PUS10: variants seen among roughly 807,000 people sequenced by gnomAD.
The protein encoded by PUS10 is pseudouridine synthase 10, also known as tRNA pseudouridine synthase Pus10.
In PUS10, 59 loss-of-function variants were observed where a neutral mutation model predicts 75.0. The ratio of observed to expected loss-of-function variants is 0.79; its 90% CI spans 0.64 to 0.98. The LOEUF is 0.98. PUS10 is among the 50% of genes least tolerant of loss of function. PUS10 has a pLI of 0.00. For synonymous variants in PUS10, 219 were observed against 211.6 expected (o/e 1.03, Z -0.30); for missense variants, 650 against 614.4 (o/e 1.06, Z -0.61).
At chr2:60,999,998 G>A (rs926918739) in intron 4 of PUS10, among the ~76,000 whole-genome samples, 4 of 152,062 alleles carry the variant, frequency 2.6e-5, no homozygotes, top group Non-Finnish European at 4.4e-5. Flanking sequence ...CATTTTATAT[G>A]AGAAACTTAA....
At chr2:60,943,778 G>GTGTGTGTGTGTA (rs1558851515) in intron 17 of PUS10, among the ~76,000 whole-genome samples, 1 of 151,492 alleles carries the variant, frequency 6.6e-6, no homozygotes, top group Non-Finnish European at 1.5e-5. Context: ...GTGTGTGTGT[G>GTGTGTGTGTGTA]TGTGTGTGTG....
chr2:61,003,938 C>A (rs1304741546), intron 4 of PUS10, among the ~76,000 whole-genome samples: 2 of 152,086 alleles, frequency 1.3e-5, no homozygotes, highest in Non-Finnish European at 2.9e-5. Flanking sequence ...GTGTTGTTTG[C>A]TTTAAATAGA....
chr2:60,985,377 C>T (rs1328570463), intron 4 of PUS10, among the ~76,000 whole-genome samples: 1 of 152,102 alleles, frequency 6.6e-6, no homozygotes, highest in Non-Finnish European at 1.5e-5. Flanking sequence ...CAATGAAAAA[C>T]AGAGGAACAG....
At chr2:60,953,638 TA>T (rs1675474954) in intron 14 of PUS10, among the ~76,000 whole-genome samples, 1 of 152,260 alleles carries the variant, frequency 6.6e-6, no homozygotes, top group African/African-American at 2.4e-5. Flanking sequence ...CTATTATAAA[TA>T]TTCATGTACA....
In PUS10 at chr2:61,011,875, C is replaced by G. The variant is rs781152292; in HGVS notation, c.16G>C (p.Glu6Gln). Residue 6 changes from glutamate (E) to glutamine (Q), a missense_variant, in exon 2 of 18, where the codon GAG becomes CAG. Physicochemically the swap from Glu to Gln is conservative, Grantham distance 29. Coordinates refer to ENST00000316752, the MANE Select transcript of PUS10 (RefSeq NM_144709.4). ...AACTGGGCCACATGCTTGTTTTCCT[C>G]AGTCAGTGGGAACATATTGAATAAT... MFPLTEENKHVAQLLL... is the reference protein window; with the variant it reads MFPLTQENKHVAQLLL... 2.5e-6 allele frequency: 4 copies of G among 1,604,576 alleles called. No individual in the cohort carries two copies.
rs1247242045 is a variant in PUS10 at position 60,965,247 on chromosome 2, T to A, written c.678-144A>T. 5 of 997,932 alleles carry A rather than the reference T, an allele frequency of 5.0e-6. No homozygotes were observed. In the African/African-American group the frequency reaches 8.1e-5, roughly 16 times the overall value. 61.8% of individuals were successfully genotyped at this position (997,932 alleles called of 1,614,324 possible). On this transcript the variant is annotated intron_variant, in intron 7 of 17. Transcript: ENST00000316752. ...GAGTCCCTGTATGAGCTATATCGGT[T>A]TGCCCAGGAACTATGTTCAAGGACA...
chr2:60,965,144 T>C, intron 7 of PUS10, 41 bp from the exon 8 acceptor site: 1 of 1,550,358 alleles, frequency 6.5e-7, no homozygotes, highest in Non-Finnish European at 8.9e-7. Flanking sequence ...TTAATGAGTT[T>C]ATTTTGGGGT....
intron 3 of PUS10, among the ~76,000 whole-genome samples, chr2:61,007,010 C>T (rs1679255547): frequency 6.6e-6 from 1 of 152,162 alleles, no homozygotes; most frequent in African/African-American, 2.4e-5. Context: ...TTCTACAAGG[C>T]TGTACCACTA....
intron 2 of PUS10, among the ~76,000 whole-genome samples, chr2:61,009,366 T>C (rs1386773559): frequency 6.6e-6 from 1 of 152,216 alleles, no homozygotes; most frequent in African/African-American, 2.4e-5. Context: ...CAAACTTTAG[T>C]TCTAATGATT....
intron 11 of PUS10, 48 bp from the exon 12 acceptor site, chr2:60,955,122 AAGAT>A: frequency 8.2e-7 from 1 of 1,216,442 alleles, no homozygotes; most frequent in Non-Finnish European, 1.2e-6. Context: ...TCATAGCTCT[AAGAT>A]ATTCATTCCC....
intron 4 of PUS10, among the ~76,000 whole-genome samples, chr2:60,981,562 G>A (rs149837588): frequency 0.011 from 1,750 of 152,318 alleles, 35 homozygotes; most frequent in African/African-American, 0.039. Flanking sequence ...GATTATTGGC[G>A]TGAGCCACCG....
chr2:60,981,292 A>G (rs1462289414), intron 4 of PUS10, among the ~76,000 whole-genome samples: 1 of 150,348 alleles, frequency 6.7e-6, no homozygotes, highest in African/African-American at 2.4e-5. Flanking sequence ...AAATTAAATT[A>G]TTTTTTTTGA....
intron 4 of PUS10, among the ~76,000 whole-genome samples, chr2:60,987,295 A>G (rs1343786642): frequency 1.3e-5 from 2 of 152,330 alleles, no homozygotes; most frequent in African/African-American, 4.8e-5. Context: ...GGGAAAGGAG[A>G]AAGGCAGGGG....
chr2:61,017,866 C>A, intron 1 of PUS10, 142 bp downstream of exon 1: 1 of 1,549,592 alleles, frequency 6.5e-7, no homozygotes, highest in South Asian at 1.2e-5. Flanking sequence ...GTGTGGGATT[C>A]TTCAGGCTGT....
rs1674654571 is a variant in PUS10 at position 60,942,108 on chromosome 2, T to C, written c.*287A>G. 3.0e-6 allele frequency: 1 copy of C among 329,708 alleles called. No individual in the cohort carries two copies. Among genetic ancestry groups the C allele is most frequent in the African/African-American group, 2.1e-5 (1 of 46,956 alleles). The allele number at this position is 329,708 out of a possible 1,614,324, so 20.4% of individuals were successfully genotyped here. ...AATGTGTCCTGTTTGTGCACCTCTC[T>C]AAATGAAAGAATTAAGGAGAATTAT... On this transcript the variant is annotated 3_prime_UTR_variant, in exon 18 of 18. Coordinates refer to ENST00000316752, the MANE Select transcript of PUS10 (RefSeq NM_144709.4).
chr2:60,965,021 A>T, intron 8 of PUS10, 37 bp downstream of exon 8: 2 of 1,598,118 alleles, frequency 1.3e-6, no homozygotes, highest in Non-Finnish European at 1.7e-6. Context: ...CTCAGACAAA[A>T]CTCACTCAAG....
In PUS10 at chr2:60,955,013, C is replaced by G. The variant is rs1273341931; in HGVS notation, c.1057+5G>C. Reference sequence around the variant, plus strand: ...TCTAATCAGGTGATGCTGTTGCAGTCTTACCATTTCCTAATGTTCTCACAT... The same window carrying G: ...TCTAATCAGGTGATGCTGTTGCAGTGTTACCATTTCCTAATGTTCTCACAT... On this transcript the variant is annotated splice_donor_5th_base_variant and intron_variant, in intron 12 of 17. Coordinates refer to ENST00000316752, the MANE Select transcript of PUS10 (RefSeq NM_144709.4). The G allele has an allele frequency of 6.4e-7, 1 of 1,565,186 alleles. No homozygotes were observed. Among genetic ancestry groups the G allele is most frequent in the Non-Finnish European group, 8.7e-7 (1 of 1,147,450 alleles).
chr2:60,961,440 A>T (rs1293013371), intron 10 of PUS10, 23 bp downstream of exon 10: 1 of 1,567,458 alleles, frequency 6.4e-7, no homozygotes, highest in African/African-American at 1.3e-5. Flanking sequence ...CAGTGTATGT[A>T]TATTCTAGAC....
chr2:60,948,328 A>C (rs2104159265), intron 15 of PUS10, 143 bp from the exon 16 acceptor site: 12 of 762,820 alleles, frequency 1.6e-5, no homozygotes, highest in Non-Finnish European at 2.4e-5. Context: ...CTTAGGTTCA[A>C]ACTCTGTGGG....
Sources: allele counts gnomAD v4.1 joint callset (sites outside exome capture counted in the v4.1 genomes callset), GRCh38; gene constraint gnomAD v4.1.1; transcripts MANE v1.5; gene names NCBI Gene and HGNC (gene_info 2026-07-23, HGNC 2026-07-21).